POMZP3: variants seen among roughly 807,000 people sequenced by gnomAD.
The protein encoded by POMZP3 is POM121 and ZP3 fusion protein.
In POMZP3, 10 loss-of-function variants were observed where a neutral mutation model predicts 19.8. The observed-to-expected ratio is 0.51, with a 90% CI of 0.31 to 0.86. The LOEUF is 0.86. POMZP3 is among the 40% of genes least tolerant of loss of function. The pLI, the probability that POMZP3 is intolerant of heterozygous loss-of-function variation, is 0.04. For synonymous variants in POMZP3, 57 were observed against 85.8 expected (o/e 0.66, Z 1.85); for missense variants, 152 against 228.1 (o/e 0.67, Z 2.15).
Position 76,625,768 on chromosome 7 carries a change from G to T in POMZP3, c.66-85C>A, listed in dbSNP as rs1208092412. The T allele has an allele frequency of 1.6e-5, 23 of 1,482,878 alleles. No individual in the cohort carries two copies. In the East Asian group the frequency reaches 5.2e-4, roughly 34 times the overall value. The allele number at this position is 1,482,878 out of a possible 1,614,324, so 91.9% of individuals were successfully genotyped here. ...ATGGAAATCAGAAGCTAACCAACAA[G>T]CCAAAGTATAATTTATACACTCACA... On this transcript the variant is annotated intron_variant, in intron 2 of 6. Transcript: ENST00000310842.
rs1297791250 is a variant in POMZP3 at position 76,615,988 on chromosome 7, AAGGGG to A, written c.345+2190_345+2194del. ...GAGACCCTCTCAAAAAAAAAAAAAA[AAGGGG>A]GGGGGGGCAGGTGGCACGTGGTGGT... is the stretch of plus-strand genomic sequence containing the variant. On this transcript the variant is annotated intron_variant, in intron 4 of 6. Coordinates refer to ENST00000310842, the MANE Select transcript of POMZP3 (RefSeq NM_012230.5). 3.6e-5 allele frequency among the ~76,000 whole-genome samples: 2 copies of A among 55,650 alleles called. 1 individual carries two copies. The highest frequency in any genetic ancestry group is 3.6e-4 in the Admixed American group (2 of 5,512). 36.5% of individuals were successfully genotyped at this position (55,650 alleles called of 152,430 possible).
Position 76,610,182 on chromosome 7 carries a change from A to C in POMZP3, c.*45T>G. On this transcript the variant is annotated 3_prime_UTR_variant, in exon 7 of 7. Transcript: ENST00000310842. ...GTCACCCCTCCTGTCCAGGAAGATC[A>C]GTGGCCCCACGGTGACATCTGCTTC... is the stretch of plus-strand genomic sequence containing the variant. The C allele has an allele frequency of 6.4e-7, 1 of 1,558,998 alleles. No individual in the cohort carries two copies. Among genetic ancestry groups the C allele is most frequent in the East Asian group, 2.3e-5 (1 of 43,570 alleles).
intron 3 of POMZP3, among the ~76,000 whole-genome samples, chr7:76,623,101 G>C (rs1000170647): frequency 6.6e-6 from 1 of 151,334 alleles, no homozygotes; most frequent in Non-Finnish European, 1.5e-5. Flanking sequence ...CTAACTCTTG[G>C]GCTCAAGAGA....
rs1754224 is a variant in POMZP3 at position 76,622,919 on chromosome 7, G to T, written c.227+2603C>A. Among the ~76,000 whole-genome samples, 1,339 of 150,488 alleles carry T rather than the reference G, an allele frequency of 8.9e-3. 23 individuals carry two copies. The highest frequency in any genetic ancestry group is 0.03 in the African/African-American group (1,220 of 40,750). ...TGGGGTCTTGCTCTGTTGCCCTGGCGAGAGTGCAGTAGCTGGATCATATCT... is the reference window on the plus strand; with the variant it reads ...TGGGGTCTTGCTCTGTTGCCCTGGCTAGAGTGCAGTAGCTGGATCATATCT... On this transcript the variant is annotated intron_variant, in intron 3 of 6. Coordinates refer to ENST00000310842, the MANE Select transcript of POMZP3 (RefSeq NM_012230.5).
intron 4 of POMZP3, among the ~76,000 whole-genome samples, chr7:76,617,815 T>C (rs1815336646): frequency 1.1e-5 from 1 of 88,914 alleles, no homozygotes; most frequent in Admixed American, 1.1e-4. Context: ...CCCAGGTAGC[T>C]GGGATTACAG....
chr7:76,620,674 G>T (rs1284610295), intron 3 of POMZP3, among the ~76,000 whole-genome samples: 1 of 151,892 alleles, frequency 6.6e-6, no homozygotes, highest in African/African-American at 2.4e-5. Flanking sequence ...CGCCATGTTG[G>T]CCAGGCTGGT....
At chr7:76,614,846 C>T (rs1290733421) in intron 4 of POMZP3, among the ~76,000 whole-genome samples, 3 of 71,558 alleles carry the variant, frequency 4.2e-5, no homozygotes, top group East Asian at 3.5e-4. Context: ...GGTGACAGAG[C>T]GAGACTCTGT....
At chr7:76,619,553 G>T (rs1261549013) in intron 3 of POMZP3, among the ~76,000 whole-genome samples, 1 of 150,176 alleles carries the variant, frequency 6.7e-6, no homozygotes, top group Non-Finnish European at 1.5e-5. Flanking sequence ...CCTGGCAGGG[G>T]TTCTTTGTCT....
intron 4 of POMZP3, among the ~76,000 whole-genome samples, chr7:76,616,241 C>G (rs1815282204): frequency 1.5e-5 from 2 of 130,476 alleles, no homozygotes; most frequent in Non-Finnish European, 3.3e-5. Context: ...CAAGACCGCA[C>G]CATTGCATTC....
At chr7:76,610,606 C>T (rs1366231034) in intron 6 of POMZP3, among the ~76,000 whole-genome samples, 2 of 151,852 alleles carry the variant, frequency 1.3e-5, no homozygotes, top group East Asian at 1.9e-4. Flanking sequence ...GAGCAGAGAT[C>T]GTGCCATTGC....
intron 4 of POMZP3, among the ~76,000 whole-genome samples, chr7:76,613,462 C>G (rs189789721): frequency 0.019 from 2,452 of 127,864 alleles, 239 homozygotes; most frequent in Non-Finnish European, 0.031. Flanking sequence ...GGACCCCCCC[C>G]ACCCAGGGAA....
At chr7:76,619,930 G>A (rs1815461468) in intron 3 of POMZP3, among the ~76,000 whole-genome samples, 1 of 93,958 alleles carries the variant, frequency 1.1e-5, no homozygotes, top group Non-Finnish European at 2.1e-5. Flanking sequence ...GAGGCAGGAG[G>A]ATCACTTGAG....
At chr7:76,621,120 C>T (rs942707936) in intron 3 of POMZP3, 1 of 148,728 alleles carries the variant, frequency 6.7e-6, no homozygotes, top group African/African-American at 2.5e-5. Context: ...GTGCAGGTCA[C>T]ACCTGGGTCC....
At chr7:76,620,491 G>A (rs62475938) in intron 3 of POMZP3, among the ~76,000 whole-genome samples, 84,620 of 150,130 alleles carry the variant, frequency 0.56, 24,058 homozygotes, top group Middle Eastern at 0.71. Flanking sequence ...TTTTTGAGAT[G>A]GAGTTTCACT....
intron 4 of POMZP3, among the ~76,000 whole-genome samples, chr7:76,616,453 C>T (rs935816886): frequency 9.9e-6 from 1 of 101,152 alleles, no homozygotes; most frequent in Non-Finnish European, 2.2e-5. Flanking sequence ...TTTTTACAAC[C>T]TCTCCAGATG....
chr7:76,619,549 A>G (rs1815434318), intron 3 of POMZP3, among the ~76,000 whole-genome samples: 1 of 149,208 alleles, frequency 6.7e-6, no homozygotes, highest in Admixed American at 6.7e-5. Flanking sequence ...TATTCCTGGC[A>G]GGGGTTCTTT....
rs199760119 is a variant in POMZP3 at position 76,621,617 on chromosome 7, G to T, written c.228-3317C>A. Reference sequence around the variant, plus strand: ...ATGAGATGGGAGGTTGGCACAAGATGCAGGTCATAAAGACCTTGCTGATAA... The same window carrying T: ...ATGAGATGGGAGGTTGGCACAAGATTCAGGTCATAAAGACCTTGCTGATAA... On this transcript the variant is annotated intron_variant, in intron 3 of 6. Transcript: ENST00000310842. Among the ~76,000 whole-genome samples, 1,955 of 151,630 alleles carry T rather than the reference G, an allele frequency of 0.013. 95 individuals are homozygous for T. The East Asian group carries it at 0.14, about 11-fold the overall frequency.
In POMZP3 at chr7:76,614,711, T is replaced by G. The variant is rs553294258; in HGVS notation, c.346-2898A>C. Reference sequence around the variant, plus strand: ...CCCATCTCTACTAAATATTCAAAAATTAGCCAGGCATGGTGATTGAGTGCC... The same window carrying G: ...CCCATCTCTACTAAATATTCAAAAAGTAGCCAGGCATGGTGATTGAGTGCC... On this transcript the variant is annotated intron_variant, in intron 4 of 6. Coordinates refer to ENST00000310842, the MANE Select transcript of POMZP3 (RefSeq NM_012230.5). 3.3e-4 allele frequency among the ~76,000 whole-genome samples: 28 copies of G among 84,870 alleles called. 9 individuals are homozygous for G. Among genetic ancestry groups the G allele is most frequent in the Non-Finnish European group, 5.8e-4 (25 of 42,932 alleles). The allele number at this position is 84,870 out of a possible 152,430, so 55.7% of individuals were successfully genotyped here. A position where few individuals can be genotyped will look rare whatever the true frequency, so the allele number is the denominator to read the frequency against.
At chr7:76,619,476 C>T (rs1366135871) in intron 3 of POMZP3, among the ~76,000 whole-genome samples, 2 of 151,344 alleles carry the variant, frequency 1.3e-5, no homozygotes, top group Non-Finnish European at 2.9e-5. Flanking sequence ...GGCAGTTTGC[C>T]ACTTGCGTTC....
Sources: gnomAD v4.1 joint callset for allele counts (sites outside exome capture counted in the v4.1 genomes callset) on GRCh38, gnomAD v4.1.1 for gene constraint, MANE v1.5 for transcripts, NCBI Gene and HGNC (gene_info 2026-07-23, HGNC 2026-07-21) for gene names.